Variants in ST6GAL1 observed in about 807,000 individuals in gnomAD.
ST6GAL1 encodes the protein beta-galactoside alpha-2,6-sialyltransferase 1.
In ST6GAL1, 20 loss-of-function variants were observed where a neutral mutation model predicts 38.0. That is an observed-to-expected ratio of 0.53 (90% CI 0.37 to 0.77). ST6GAL1 has a LOEUF of 0.77. ST6GAL1 is among the 30% of genes least tolerant of loss of function. ST6GAL1 has a pLI of 0.00. For synonymous variants in ST6GAL1, 196 were observed against 188.2 expected (o/e 1.04, Z -0.34); for missense variants, 432 against 496.4 (o/e 0.87, Z 1.23).
At chr3:186,954,500 C>T (rs1053990294) in intron 1 of ST6GAL1, among the ~76,000 whole-genome samples, 1 of 152,140 alleles carries the variant, frequency 6.6e-6, no homozygotes, top group African/African-American at 2.4e-5. Flanking sequence ...TCTGTTGTTT[C>T]ACGGCTTTAC....
intron 1 of ST6GAL1, among the ~76,000 whole-genome samples, chr3:186,934,745 ATTTT>A (rs1713881029): frequency 2.0e-5 from 1 of 50,002 alleles, no homozygotes; most frequent in East Asian, 3.9e-4. Context: ...CTTTTAAAAA[ATTTT>A]ATTTATTTAT....
chr3:187,071,980 AT>A (rs1446245681), intron 5 of ST6GAL1: 4 of 152,018 alleles, frequency 2.6e-5, no homozygotes, highest in Non-Finnish European at 5.9e-5. Context: ...CAGAATTTGA[AT>A]TTTTTCTTAG....
intron 2 of ST6GAL1, among the ~76,000 whole-genome samples, chr3:187,016,652 A>G (rs1189050982): frequency 1.3e-5 from 2 of 152,216 alleles, no homozygotes; most frequent in Admixed American, 6.5e-5. Flanking sequence ...AGCACCCAGA[A>G]AGTGCAGATA....
At chr3:187,071,476 G>A (rs924015603) in intron 5 of ST6GAL1, among the ~76,000 whole-genome samples, 5 of 151,328 alleles carry the variant, frequency 3.3e-5, no homozygotes, top group African/African-American at 4.9e-5. Context: ...CCGGCCGGGC[G>A]CGGTGGCTCA....
rs1366354238 is a variant in ST6GAL1, at chr3:187,042,695, A to G, written c.-9A>G. 2 of 1,598,342 alleles carry G rather than the reference A, an allele frequency of 1.3e-6. No homozygotes were observed. The highest frequency in any genetic ancestry group is 2.3e-5 in the South Asian group (2 of 88,416). ...AGAACAAAGTGACTTCCCTGAACAC[A>G]TCTTCATTATGATTCACACCAACCT... is the stretch of plus-strand genomic sequence containing the variant. On this transcript the variant is annotated 5_prime_UTR_variant, in exon 4 of 8. Transcript: ENST00000169298.
At chr3:187,074,069 C>A in intron 6 of ST6GAL1, 90 bp from the exon 7 acceptor site, 1 of 1,215,054 alleles carries the variant, frequency 8.2e-7, no homozygotes, top group Non-Finnish European at 1.1e-6. Flanking sequence ...ATCCTTTCCC[C>A]TCCCCATGTC....
At chr3:186,997,074 A>C (rs1320089547) in intron 2 of ST6GAL1, among the ~76,000 whole-genome samples, 1 of 151,624 alleles carries the variant, frequency 6.6e-6, no homozygotes, top group Non-Finnish European at 1.5e-5. Context: ...TCTTGGGGAG[A>C]TTTGTTTTTA....
At chr3:186,969,404 T>G (rs1715266765) in intron 2 of ST6GAL1, among the ~76,000 whole-genome samples, 1 of 152,194 alleles carries the variant, frequency 6.6e-6, no homozygotes, top group Admixed American at 6.5e-5. Context: ...TGTTTTTTTG[T>G]GCATTCCCGT....
chr3:186,974,344 C>T (rs1017052680), intron 2 of ST6GAL1, among the ~76,000 whole-genome samples: 24 of 152,150 alleles, frequency 1.6e-4, no homozygotes, highest in East Asian at 1.9e-4. Flanking sequence ...CTTACAGACC[C>T]GGAGCATCTT....
At chr3:187,012,805 C>G (rs1717000164) in intron 2 of ST6GAL1, among the ~76,000 whole-genome samples, 1 of 152,188 alleles carries the variant, frequency 6.6e-6, no homozygotes, top group African/African-American at 2.4e-5. Context: ...TGCAAGAGGT[C>G]TAAGCATGAG....
intron 2 of ST6GAL1, among the ~76,000 whole-genome samples, chr3:187,012,839 C>T (rs1717001326): frequency 6.6e-6 from 1 of 152,210 alleles, no homozygotes; most frequent in African/African-American, 2.4e-5. Context: ...GTGAGTTTGG[C>T]CTGTTTTCCA....
At chr3:187,008,900 A>G (rs983451621) in intron 2 of ST6GAL1, among the ~76,000 whole-genome samples, 2 of 151,682 alleles carry the variant, frequency 1.3e-5, no homozygotes, top group Admixed American at 6.6e-5. Context: ...TTCATAACAT[A>G]TTTAAATATT....
intron 2 of ST6GAL1, among the ~76,000 whole-genome samples, chr3:186,977,463 C>T (rs1441422701): frequency 6.6e-6 from 1 of 152,138 alleles, no homozygotes; most frequent in Non-Finnish European, 1.5e-5. Context: ...TTATTAATGC[C>T]CTTGCCGGGA....
chr3:187,052,307 T>A (rs1241665867), intron 5 of ST6GAL1, among the ~76,000 whole-genome samples: 10 of 152,208 alleles, frequency 6.6e-5, no homozygotes, highest in African/African-American at 9.7e-5. Context: ...AACTTTTTTT[T>A]AAAATTATAC....
At chr3:187,051,164 G>A in intron 4 of ST6GAL1, 85 bp from the exon 5 acceptor site, 3 of 1,153,878 alleles carry the variant, frequency 2.6e-6, no homozygotes, top group Non-Finnish European at 2.6e-6. Flanking sequence ...TTATTCCCTT[G>A]CCCCCTCCCC....
chr3:187,012,857 G>A (rs942411308), intron 2 of ST6GAL1, among the ~76,000 whole-genome samples: 1 of 152,178 alleles, frequency 6.6e-6, no homozygotes, highest in East Asian at 1.9e-4. Flanking sequence ...CCAAATGGAG[G>A]GGAAATCCAG....
intron 2 of ST6GAL1, among the ~76,000 whole-genome samples, chr3:187,007,948 A>G (rs1716835028): frequency 6.6e-6 from 1 of 151,612 alleles, no homozygotes; most frequent in South Asian, 2.1e-4. Flanking sequence ...AGGTAGATCA[A>G]TAGAAAGTAT....
intron 5 of ST6GAL1, among the ~76,000 whole-genome samples, chr3:187,061,702 A>G (rs1718921270): frequency 6.6e-6 from 1 of 152,182 alleles, no homozygotes; most frequent in African/African-American, 2.4e-5. Flanking sequence ...ACCTAACACC[A>G]AAAATAAAAA....
intron 2 of ST6GAL1, among the ~76,000 whole-genome samples, chr3:186,997,768 A>AG (rs1403590690): frequency 6.6e-6 from 1 of 151,994 alleles, no homozygotes; most frequent in Non-Finnish European, 1.5e-5. Flanking sequence ...AAGAAAAAAA[A>AG]AAAAAGATTT....
Sources: gnomAD v4.1 joint callset for allele counts (sites outside exome capture counted in the v4.1 genomes callset) on GRCh38, gnomAD v4.1.1 for gene constraint, MANE v1.5 for transcripts, NCBI Gene and HGNC (gene_info 2026-07-23, HGNC 2026-07-21) for gene names.